Variants in POTEG observed in about 807,000 individuals in gnomAD.
POTEG encodes the protein POTE ankyrin domain family member G.
POTEG carries 2 observed loss-of-function variants against 49.6 expected under a neutral mutation model. That is an observed-to-expected ratio of 0.04 (90% confidence interval 0.02 to 0.13). The LOEUF (loss-of-function observed/expected upper bound fraction) is 0.13. POTEG is among the 10% of genes least tolerant of loss of function. The pLI, the probability that POTEG is intolerant of heterozygous loss-of-function variation, is 1.00. For missense variants in POTEG, 26 were observed against 545.2 expected (o/e 0.05, Z 9.48); for synonymous variants, 7 against 186.6 (o/e 0.04, Z 7.84).
intron 1 of POTEG, among the ~76,000 whole-genome samples, chr14:19,431,609 TTG>T (rs1884145393): frequency 8.6e-5 from 7 of 81,772 alleles, no homozygotes; most frequent in South Asian, 4.9e-4. Flanking sequence ...TTTTGTTTGT[TTG>T]TTTTTTAGAT....
intron 6 of POTEG, among the ~76,000 whole-genome samples, chr14:19,419,873 A>G (rs1883684172): frequency 7.3e-6 from 1 of 137,174 alleles, no homozygotes. Flanking sequence ...TAGTATTTGC[A>G]GTCCAAAGCA....
chr14:19,418,949 G>T (rs1300375083), intron 6 of POTEG, among the ~76,000 whole-genome samples: 4 of 81,820 alleles, frequency 4.9e-5, no homozygotes, highest in African/African-American at 1.2e-4. Context: ...AACAATTAAT[G>T]TTATTTCTTA....
At chr14:19,415,197 C>T (rs1389788404) in intron 7 of POTEG, among the ~76,000 whole-genome samples, 1 of 143,278 alleles carries the variant, frequency 7.0e-6, no homozygotes, top group Non-Finnish European at 1.6e-5. Flanking sequence ...AGATTATCTG[C>T]TTAAGTCCAG....
chr14:19,432,334 T>A (rs1217943910), intron 1 of POTEG, among the ~76,000 whole-genome samples: 1 of 53,870 alleles, frequency 1.9e-5, no homozygotes, highest in Non-Finnish European at 3.4e-5. Context: ...GGCAACAGAG[T>A]GAGACTCCAT....
intron 6 of POTEG, among the ~76,000 whole-genome samples, chr14:19,419,631 T>C (rs1883673309): frequency 1.5e-5 from 1 of 66,002 alleles, no homozygotes; most frequent in Non-Finnish European, 2.9e-5. Flanking sequence ...GAAATGTTTA[T>C]TCTAAGCTAA....
At chr14:19,427,104 A>AT (rs1883987611) in intron 3 of POTEG, 1 of 265,244 alleles carries the variant, frequency 3.8e-6, no homozygotes, top group Admixed American at 5.1e-5. Context: ...AGATATAAGA[A>AT]TTTATATATT....
intron 6 of POTEG, 111 bp downstream of exon 6, chr14:19,421,512 CA>C (rs1395373595): frequency 0.071 from 85,992 of 1,210,888 alleles, 42 homozygotes; most frequent in South Asian, 0.097. Flanking sequence ...ATTCTGAAAC[CA>C]TCCCCACCTT....
At chr14:19,419,002 CAAAA>C (rs747308819) in intron 6 of POTEG, among the ~76,000 whole-genome samples, 2 of 111,796 alleles carry the variant, frequency 1.8e-5, no homozygotes, top group African/African-American at 8.5e-5. Context: ...AGCATAACAC[CAAAA>C]AAAAAAAAAA....
At chr14:19,433,277 C>A (rs1566383867) in intron 1 of POTEG, among the ~76,000 whole-genome samples, 3 of 119,168 alleles carry the variant, frequency 2.5e-5, no homozygotes. Flanking sequence ...AGCACAAGAA[C>A]CATCTTCCCA....
Position 19,430,469 on chromosome 14 carries a change from TGTC to T in POTEG, c.522-1483_522-1481del, listed in dbSNP as rs1884091846. 1.1e-4 allele frequency among the ~76,000 whole-genome samples: 10 copies of T among 94,338 alleles called. No individual in the cohort carries two copies. The Admixed American group carries it at 1.1e-3, about 10-fold the overall frequency. 61.9% of individuals were successfully genotyped at this position (94,338 alleles called of 152,430 possible). ...CATTTTCAAAAGGGCAGTTAAGGGT[TGTC>T]TTTTACTATTTTCTACCTTCAGAAA... On this transcript the variant is annotated intron_variant, in intron 1 of 10. Transcript: ENST00000547848.
At chr14:19,415,326 C>A (rs1883510765) in intron 7 of POTEG, among the ~76,000 whole-genome samples, 1 of 143,352 alleles carries the variant, frequency 7.0e-6, no homozygotes, top group Non-Finnish European at 1.6e-5. Flanking sequence ...CCAAAGGTCC[C>A]ATTCTGCAAG....
rs531934555 is a variant in POTEG, at chr14:19,415,103, G to A, written c.1198-497C>T. ...GGCACACTTTAAATTATTAGGAGCC[G>A]AAATCAACACCAAACAGAAAGAGAT... On this transcript the variant is annotated intron_variant, in intron 7 of 10. Transcript: ENST00000547848. Among the ~76,000 whole-genome samples the A allele has an allele frequency of 1.0e-3, 149 of 144,830 alleles. 2 individuals are homozygous for A. The highest frequency in any genetic ancestry group is 3.5e-3 in the Middle Eastern group (1 of 286).
rs775130246 is a variant in POTEG at position 19,434,032 on chromosome 14, G to A, written c.258C>T (p.His86=). The change falls in exon 1 of 11, where the codon CAC becomes CAT. Residue 86 remains histidine (H), a synonymous_variant. Transcript: ENST00000547848. ...TGAGTGTCTTCATAGCAGAGTCGTC[G>A]TGGTCTCCAGAAGTGCCCACGTTGC... ...SKSNVGTSGD[H]DDSAMKTLRS... 153 of 1,451,948 alleles carry A rather than the reference G, an allele frequency of 1.1e-4. No individual in the cohort carries two copies. In the South Asian group the frequency reaches 1.7e-3, roughly 16 times the overall value. The allele number at this position is 1,451,948 out of a possible 1,614,324, so 89.9% of individuals were successfully genotyped here. A position where few individuals can be genotyped will look rare whatever the true frequency, so the allele number is the denominator to read the frequency against.
chr14:19,426,439 A>T (rs1445566892), intron 3 of POTEG, among the ~76,000 whole-genome samples: 1 of 151,940 alleles, frequency 6.6e-6, no homozygotes, highest in Non-Finnish European at 1.5e-5. Flanking sequence ...TTGATAAAAA[A>T]CAGTTTAGAA....
chr14:19,425,471 T>C (rs1272371669), intron 4 of POTEG, 135 bp downstream of exon 4: 1 of 194,932 alleles, frequency 5.1e-6, no homozygotes, highest in African/African-American at 3.2e-5. Flanking sequence ...TCCAAATAAT[T>C]GTTTTTCTAC....
rs1265243527 is a variant in POTEG at position 19,414,830 on chromosome 14, T to C, written c.1198-224A>G. 4.3e-5 allele frequency among the ~76,000 whole-genome samples: 6 copies of C among 138,310 alleles called. No homozygotes were observed. The East Asian group carries it at 1.0e-3, about 24-fold the overall frequency. The allele number at this position is 138,310 out of a possible 152,430, so 90.7% of individuals were successfully genotyped here. ...ACTGCCACATCACTGGCTTCTAACA[T>C]GTGAAAAATAATTCACCTTAGCCAA... is the stretch of plus-strand genomic sequence containing the variant. On this transcript the variant is annotated intron_variant, in intron 7 of 10. Transcript: ENST00000547848.
At chr14:19,432,432 GTATATATATATATACATA>G (rs1220890663) in intron 1 of POTEG, among the ~76,000 whole-genome samples, 39 of 63,808 alleles carry the variant, frequency 6.1e-4, no homozygotes, top group South Asian at 2.7e-3. Flanking sequence ...ATGTATATAC[GTATATATATATATACATA>G]TATATATACA....
chr14:19,431,187 A>C (rs1282146339), intron 1 of POTEG, among the ~76,000 whole-genome samples: 2 of 152,278 alleles, frequency 1.3e-5, no homozygotes, highest in African/African-American at 2.4e-5. Context: ...TTTTCAGCTA[A>C]CACAAGAGCA....
At chr14:19,414,807 T>C (rs199826978) in intron 7 of POTEG, among the ~76,000 whole-genome samples, 37,021 of 106,014 alleles carry the variant, frequency 0.35, 4,432 homozygotes, top group Non-Finnish European at 0.45. Flanking sequence ...GTTTAGCTAC[T>C]GCCACATCAC....
Sources: gnomAD v4.1 joint callset for allele counts (sites outside exome capture counted in the v4.1 genomes callset) on GRCh38, gnomAD v4.1.1 for gene constraint, MANE v1.5 for transcripts, NCBI Gene and HGNC (gene_info 2026-07-23, HGNC 2026-07-21) for gene names.